The following FOXP1 variants were observed in gnomAD, a reference collection of about 807,000 sequenced individuals.
FOXP1 encodes the protein forkhead box protein P1.
Under a neutral mutation model 98.2 loss-of-function variants are expected in FOXP1, and 15 were observed. That is an observed-to-expected ratio of 0.15 (90% CI 0.10 to 0.24). The LOEUF is 0.24. Among genes scored for constraint, FOXP1 ranks in the 10% least tolerant of loss-of-function variants. The pLI, the probability that FOXP1 is intolerant of heterozygous loss-of-function variation, is 1.00. For missense variants in FOXP1, 633 were observed against 848.5 expected (o/e 0.75, Z 3.15); for synonymous variants, 371 against 314.5 (o/e 1.18, Z -1.90).
intron 7 of FOXP1, among the ~76,000 whole-genome samples, chr3:71,102,679 A>G (rs1172517618): frequency 6.6e-6 from 1 of 152,220 alleles, no homozygotes; most frequent in East Asian, 1.9e-4. Flanking sequence ...ATGCCCATCA[A>G]CATATGTCCA....
chr3:71,374,403 G>A (rs562949603), intron 3 of FOXP1, among the ~76,000 whole-genome samples: 76 of 152,246 alleles, frequency 5.0e-4, no homozygotes, highest in Middle Eastern at 3.4e-3. Flanking sequence ...AGGCCAGCCT[G>A]GCCAACAAGG....
chr3:71,383,281 G>A (rs1219316381), intron 3 of FOXP1, among the ~76,000 whole-genome samples: 1 of 152,180 alleles, frequency 6.6e-6, no homozygotes, highest in African/African-American at 2.4e-5. Context: ...GGAAGGGGAA[G>A]AATTCATTAT....
intron 4 of FOXP1, among the ~76,000 whole-genome samples, chr3:71,341,923 G>C (rs552908511): frequency 6.6e-6 from 1 of 152,322 alleles, no homozygotes; most frequent in Admixed American, 6.5e-5. Flanking sequence ...GGTAGAACAT[G>C]CATGAGTCGC....
intron 9 of FOXP1, among the ~76,000 whole-genome samples, chr3:71,050,657 T>G (rs1365990706): frequency 1.3e-5 from 2 of 152,230 alleles, no homozygotes; most frequent in Admixed American, 6.5e-5. Flanking sequence ...CCTGTGATCA[T>G]GCATAATGTG....
chr3:71,225,292 A>T (rs759189833), intron 5 of FOXP1, among the ~76,000 whole-genome samples: 9 of 152,228 alleles, frequency 5.9e-5, no homozygotes, highest in African/African-American at 2.2e-4. Context: ...ATCAGCAGTG[A>T]GCTCTCTATT....
At chr3:71,426,833 C>G (rs1034042096) in intron 3 of FOXP1, among the ~76,000 whole-genome samples, 3 of 152,134 alleles carry the variant, frequency 2.0e-5, no homozygotes, top group African/African-American at 7.2e-5. Flanking sequence ...AAGGCCAAGA[C>G]AGGCAGATCA....
At chr3:71,295,204 T>C (rs926492958) in intron 5 of FOXP1, among the ~76,000 whole-genome samples, 2 of 152,204 alleles carry the variant, frequency 1.3e-5, no homozygotes, top group Non-Finnish European at 2.9e-5. Flanking sequence ...GCTTCCAGTG[T>C]CTTCATAACA....
Position 71,514,687 on chromosome 3 carries a change from T to G in FOXP1, c.-297-21132A>C, listed in dbSNP as rs370571308. Among the ~76,000 whole-genome samples the G allele has an allele frequency of 4.1e-4, 63 of 152,272 alleles. 1 individual carries two copies. The highest frequency in any genetic ancestry group is 1.4e-3 in the African/African-American group (59 of 41,548). On this transcript the variant is annotated intron_variant, in intron 2 of 20. Coordinates refer to ENST00000649528, the MANE Select transcript of FOXP1 (RefSeq NM_001349338.3). ...CCTCCTTTTTTCTCCTTCATACAAG[T>G]TGAAAAAACAGACCTGTCTAAGCTC...
chr3:71,312,700 A>C (rs1001393500), intron 4 of FOXP1, among the ~76,000 whole-genome samples: 1 of 152,190 alleles, frequency 6.6e-6, no homozygotes, highest in Admixed American at 6.5e-5. Flanking sequence ...TAATGGGGGA[A>C]TAGGCCAGGC....
chr3:71,201,624 C>T (rs1275151382), intron 5 of FOXP1, among the ~76,000 whole-genome samples: 1 of 150,422 alleles, frequency 6.6e-6, no homozygotes, highest in African/African-American at 2.4e-5. Context: ...AAGGCTCTGT[C>T]TCGAAAAAAG....
chr3:71,274,377 C>A (rs1488945539), intron 5 of FOXP1, among the ~76,000 whole-genome samples: 2 of 152,130 alleles, frequency 1.3e-5, no homozygotes, highest in African/African-American at 4.8e-5. Context: ...AGAGTCAGGA[C>A]AAGAGGCTCA....
At chr3:71,258,546 A>C (rs1423132748) in intron 5 of FOXP1, among the ~76,000 whole-genome samples, 1 of 152,206 alleles carries the variant, frequency 6.6e-6, no homozygotes, top group African/African-American at 2.4e-5. Context: ...TAGAAGACAC[A>C]GAGACTGGGG....
chr3:71,440,711 A>G, intron 3 of FOXP1, among the ~76,000 whole-genome samples: 1 of 151,448 alleles, frequency 6.6e-6, no homozygotes, highest in East Asian at 1.9e-4. Context: ...AAAAAAAAAA[A>G]ATAGTTATCC....
chr3:71,237,110 T>C (rs547207994), intron 5 of FOXP1, among the ~76,000 whole-genome samples: 1 of 149,650 alleles, frequency 6.7e-6, no homozygotes, highest in African/African-American at 2.5e-5. Flanking sequence ...TGCACGCCTG[T>C]AATCCCAGCC....
At chr3:71,380,698 ATTTTTTTT>A (rs11395817) in intron 3 of FOXP1, among the ~76,000 whole-genome samples, 4 of 100,264 alleles carry the variant, frequency 4.0e-5, no homozygotes, top group African/African-American at 7.8e-5. Flanking sequence ...CTTTTTAGAC[ATTTTTTTT>A]TTTTTTTTTT....
At chr3:71,230,514 T>A (rs768215426) in intron 5 of FOXP1, among the ~76,000 whole-genome samples, 1 of 152,114 alleles carries the variant, frequency 6.6e-6, no homozygotes, top group Non-Finnish European at 1.5e-5. Flanking sequence ...CCTATGACAG[T>A]AAACAGATAG....
At chr3:71,191,322 A>G (rs1460898796) in intron 6 of FOXP1, among the ~76,000 whole-genome samples, 1 of 152,238 alleles carries the variant, frequency 6.6e-6, no homozygotes, top group Non-Finnish European at 1.5e-5. Context: ...GTTCAAAAAC[A>G]GACTTGTGAG....
chr3:71,384,743 G>C (rs2080439791), intron 3 of FOXP1, among the ~76,000 whole-genome samples: 1 of 152,200 alleles, frequency 6.6e-6, no homozygotes, highest in Non-Finnish European at 1.5e-5. Flanking sequence ...CTGAGTGGTG[G>C]AGTGGGTGGC....
intron 19 of FOXP1, among the ~76,000 whole-genome samples, chr3:70,966,777 C>T (rs963712162): frequency 6.6e-6 from 1 of 152,086 alleles, no homozygotes; most frequent in African/African-American, 2.4e-5. Flanking sequence ...TTAAAGGTTA[C>T]AAAGTTACTC....
Sources: gnomAD v4.1 joint callset for allele counts (sites outside exome capture counted in the v4.1 genomes callset) on GRCh38, gnomAD v4.1.1 for gene constraint, MANE v1.5 for transcripts, NCBI Gene and HGNC (gene_info 2026-07-23, HGNC 2026-07-21) for gene names.